The following GNPDA2 variants were observed in gnomAD, a reference collection of about 807,000 sequenced individuals.
The protein encoded by GNPDA2 is glucosamine-6-phosphate deaminase 2.
A neutral mutation model predicts 27.0 loss-of-function variants in GNPDA2; 24 were observed. The observed-to-expected ratio is 0.89, with a 90% CI of 0.64 to 1.25. The LOEUF (loss-of-function observed/expected upper bound fraction) is 1.25. Among genes scored for constraint, GNPDA2 ranks in the 50% most tolerant of loss-of-function variants. GNPDA2 has a pLI of 0.00. For missense variants in GNPDA2, 286 were observed against 335.1 expected (o/e 0.85, Z 1.14); for synonymous variants, 94 against 108.4 (o/e 0.87, Z 0.83).
chr4:44,709,076 G>T (rs763375964), intron 5 of GNPDA2, among the ~76,000 whole-genome samples: 17 of 152,062 alleles, frequency 1.1e-4, no homozygotes, highest in Admixed American at 3.3e-4. Flanking sequence ...TATGAGCTAA[G>T]AGTCTTTTCA....
At chr4:44,713,271 A>C (rs369612797) in intron 4 of GNPDA2, among the ~76,000 whole-genome samples, 12 of 152,172 alleles carry the variant, frequency 7.9e-5, no homozygotes, top group African/African-American at 2.7e-4. Context: ...CAATCAAAAT[A>C]TCTGTCTGGA....
chr4:44,712,046 C>CT (rs1717013978), intron 4 of GNPDA2, among the ~76,000 whole-genome samples: 1 of 151,890 alleles, frequency 6.6e-6, no homozygotes, highest in African/African-American at 2.4e-5. Context: ...AGTGCCAACT[C>CT]TAATATTCTA....
intron 1 of GNPDA2, among the ~76,000 whole-genome samples, chr4:44,724,810 C>A (rs999484213): frequency 1.3e-5 from 2 of 151,984 alleles, no homozygotes; most frequent in Non-Finnish European, 2.9e-5. Context: ...GAATTCTGGC[C>A]CGATAACAAT....
rs538344318 is a variant in GNPDA2, at chr4:44,702,487, C to T, written c.*594G>A. On this transcript the variant is annotated 3_prime_UTR_variant, in exon 7 of 7. Transcript: ENST00000295448. ...GGTGCACAAAAAACATGCACTTACA[C>T]ATACTTTCCAAAAGGATGTAAACTG... 5.1e-6 allele frequency: 5 copies of T among 984,388 alleles called. No individual in the cohort carries two copies. Among genetic ancestry groups the T allele is most frequent in the East Asian group, 1.1e-4 (1 of 8,784 alleles). 61.0% of individuals were successfully genotyped at this position (984,388 alleles called of 1,614,324 possible).
intron 1 of GNPDA2, among the ~76,000 whole-genome samples, chr4:44,722,656 A>G (rs191182057): frequency 5.3e-5 from 8 of 152,308 alleles, no homozygotes; most frequent in Admixed American, 3.3e-4. Flanking sequence ...ATTAGGTATT[A>G]TAAGTAATCT....
At chr4:44,714,572 C>T in intron 4 of GNPDA2, 2 of 984,438 alleles carry the variant, frequency 2.0e-6, no homozygotes, top group Non-Finnish European at 2.4e-6. Context: ...CAAGCCCAAA[C>T]TGCAATCTCT....
chr4:44,709,938 C>T (rs1716867990), intron 5 of GNPDA2, among the ~76,000 whole-genome samples: 1 of 152,068 alleles, frequency 6.6e-6, no homozygotes, highest in Non-Finnish European at 1.5e-5. Flanking sequence ...TAATCACACA[C>T]TGCACTCCTG....
rs1716952716 is a variant in GNPDA2, at chr4:44,711,155, C to T, written c.410-18G>A. 1 of 1,476,270 alleles carries T rather than the reference C, an allele frequency of 6.8e-7. No individual in the cohort carries two copies. The highest frequency in any genetic ancestry group is 9.1e-7 in the Non-Finnish European group (1 of 1,104,168). The allele number at this position is 1,476,270 out of a possible 1,614,324, so 91.4% of individuals were successfully genotyped here. ...ACCAATTCCTTTCAAAAGAAATATA[C>T]ATACATATACACATGAAGTAAATAG... On this transcript the variant is annotated intron_variant, in intron 4 of 6. Transcript: ENST00000295448.
intron 1 of GNPDA2, among the ~76,000 whole-genome samples, chr4:44,722,704 T>A (rs558521712): frequency 6.6e-6 from 1 of 152,298 alleles, no homozygotes; most frequent in East Asian, 1.9e-4. Flanking sequence ...GCAGGTGATA[T>A]GCAAGTACTA....
At chr4:44,703,755 T>C (rs1027029071) in intron 6 of GNPDA2, 252 of 984,672 alleles carry the variant, frequency 2.6e-4, no homozygotes, top group Non-Finnish European at 2.9e-4. Context: ...CATTTTGTAA[T>C]TGGTACATAT....
rs1053080786 is a variant in GNPDA2 at position 44,702,064 on chromosome 4, A to G, written c.*1017T>C. ...ACTCTCCTAATGCATGATGGTAACA[A>G]ACCCAAAATGAATGCAGGTTCACAT... On this transcript the variant is annotated 3_prime_UTR_variant, in exon 7 of 7. Transcript: ENST00000295448. The G allele has an allele frequency of 1.0e-6, 1 of 985,618 alleles. No homozygotes were observed. Among genetic ancestry groups the G allele is most frequent in the Non-Finnish European group, 1.2e-6 (1 of 829,786 alleles). The allele number at this position is 985,618 out of a possible 1,614,324, so 61.1% of individuals were successfully genotyped here.
At chr4:44,717,738 G>T (rs1485041197) in intron 3 of GNPDA2, among the ~76,000 whole-genome samples, 1 of 151,780 alleles carries the variant, frequency 6.6e-6, no homozygotes, top group African/African-American at 2.4e-5. Context: ...TATTCATCCT[G>T]TATGTGTGCA....
At chr4:44,714,948 C>T (rs1405881212) in intron 4 of GNPDA2, among the ~76,000 whole-genome samples, 3 of 151,886 alleles carry the variant, frequency 2.0e-5, no homozygotes, top group Non-Finnish European at 4.4e-5. Flanking sequence ...TATTTGGGAG[C>T]GGGGAGGAGC....
chr4:44,703,513 C>T, intron 6 of GNPDA2: 1 of 1,000,432 alleles, frequency 1.0e-6, no homozygotes, highest in Non-Finnish European at 1.2e-6. Flanking sequence ...GGCAGTTCCT[C>T]TACTAGACTC....
At chr4:44,704,404 T>G (rs1382264758) in intron 6 of GNPDA2, 1 of 939,628 alleles carries the variant, frequency 1.1e-6, no homozygotes, top group Non-Finnish European at 1.3e-6. Context: ...CTAACAACTT[T>G]GATTACGGAA....
chr4:44,723,637 C>T (rs1389986412), intron 1 of GNPDA2, among the ~76,000 whole-genome samples: 1 of 152,112 alleles, frequency 6.6e-6, no homozygotes, highest in Non-Finnish European at 1.5e-5. Flanking sequence ...CACTGATGGA[C>T]ACTCAGGTTG....
rs1378579655 is a variant in GNPDA2 at position 44,702,808 on chromosome 4, A to T, written c.*273T>A. On this transcript the variant is annotated 3_prime_UTR_variant, in exon 7 of 7. Transcript: ENST00000295448. Reference sequence around the variant, plus strand: ...CTACCTTTAAAATGACTTTTTAAACAGGCAGACATTTCTATGCTGTTTTAT... The same window carrying T: ...CTACCTTTAAAATGACTTTTTAAACTGGCAGACATTTCTATGCTGTTTTAT... 3.2e-6 allele frequency: 4 copies of T among 1,257,728 alleles called. No individual in the cohort carries two copies. In the African/African-American group the frequency reaches 6.3e-5, roughly 20 times the overall value. The allele number at this position is 1,257,728 out of a possible 1,614,324, so 77.9% of individuals were successfully genotyped here.
intron 1 of GNPDA2, among the ~76,000 whole-genome samples, chr4:44,726,023 G>A (rs1717992576): frequency 6.6e-6 from 1 of 152,116 alleles, no homozygotes; most frequent in South Asian, 2.1e-4. Flanking sequence ...AAAGCGTAAG[G>A]GTGGCCTGGC....
intron 4 of GNPDA2, among the ~76,000 whole-genome samples, chr4:44,715,580 C>G (rs1457547213): frequency 6.6e-6 from 1 of 151,926 alleles, no homozygotes; most frequent in African/African-American, 2.4e-5. Context: ...GGTCTATGCA[C>G]CCCTCAGACA....
Sources: allele counts gnomAD v4.1 joint callset (sites outside exome capture counted in the v4.1 genomes callset), GRCh38; gene constraint gnomAD v4.1.1; transcripts MANE v1.5; gene names NCBI Gene and HGNC (gene_info 2026-07-23, HGNC 2026-07-21).